CNTN5: variants seen among roughly 807,000 people sequenced by gnomAD.
CNTN5 encodes the protein contactin 5.
In CNTN5, 77 loss-of-function variants were observed where a neutral mutation model predicts 129.1. That is an observed-to-expected ratio of 0.60 (90% confidence interval 0.50 to 0.72). CNTN5 has a LOEUF of 0.72. Ranked by LOEUF, CNTN5 falls within the 30% of genes least tolerant of loss-of-function variation. CNTN5 has a pLI of 0.00. For synonymous variants in CNTN5, 509 were observed against 465.6 expected, an observed-to-expected ratio of 1.09 and a Z score of -1.20; for missense variants, 1,478 against 1,328.8, an observed-to-expected ratio of 1.11 and a Z score of -1.75.
intron 2 of CNTN5, among the ~76,000 whole-genome samples, chr11:99,553,993 C>A (rs201376966): frequency 4.9e-5 from 4 of 81,544 alleles, no homozygotes; most frequent in African/African-American, 1.7e-4. Context: ...CACACACACA[C>A]ACATACACAC....
chr11:99,547,930 A>C lies in CNTN5; in HGVS notation c.-70-8215A>C, dbSNP rs146891356. 2.0e-4 allele frequency among the ~76,000 whole-genome samples: 31 copies of C among 152,270 alleles called. No homozygotes were observed. The East Asian group carries it at 6.0e-3, about 29-fold the overall frequency. On this transcript the variant is annotated intron_variant, in intron 2 of 24. Coordinates refer to ENST00000524871, the MANE Select transcript of CNTN5 (RefSeq NM_014361.4). ...TGTGCAACTTTAGAAAATTTGCTTA[A>C]CCTTTCTGTGCCCCAGCTTCGTTAT...
At chr11:99,974,673 GAC>G (rs1937819549) in intron 8 of CNTN5, among the ~76,000 whole-genome samples, 1 of 152,198 alleles carries the variant, frequency 6.6e-6, no homozygotes, top group Non-Finnish European at 1.5e-5. Context: ...CTGTCGGAAT[GAC>G]AGAATTCATC....
intron 2 of CNTN5, among the ~76,000 whole-genome samples, chr11:99,378,617 C>CAAG (rs1161970996): frequency 6.6e-6 from 1 of 152,034 alleles, no homozygotes; most frequent in Non-Finnish European, 1.5e-5. Context: ...CTTTACCACC[C>CAAG]TATCCAAGAG....
At chr11:100,095,871 C>A (rs1944992978) in intron 13 of CNTN5, among the ~76,000 whole-genome samples, 1 of 152,016 alleles carries the variant, frequency 6.6e-6, no homozygotes, top group Admixed American at 6.6e-5. Context: ...TTATTTTTAG[C>A]AAAGGGCTTT....
intron 3 of CNTN5, among the ~76,000 whole-genome samples, chr11:99,707,173 CT>C (rs1289310626): frequency 1.3e-5 from 2 of 150,606 alleles, no homozygotes; most frequent in East Asian, 2.0e-4. Context: ...AGTTTATGGT[CT>C]TTTTTTTTCT....
At chr11:100,118,376 T>A (rs1221063846) in intron 13 of CNTN5, among the ~76,000 whole-genome samples, 1 of 151,864 alleles carries the variant, frequency 6.6e-6, no homozygotes, top group Non-Finnish European at 1.5e-5. Context: ...TGAAAGGCAG[T>A]ACTGCTCGTT....
At chr11:100,155,184 A>G (rs1296563171) in intron 13 of CNTN5, among the ~76,000 whole-genome samples, 3 of 152,070 alleles carry the variant, frequency 2.0e-5, no homozygotes. Flanking sequence ...ATCTATCTTG[A>G]GTTAATTTTT....
Position 99,621,031 on chromosome 11 carries a change from A to G in CNTN5, c.55+64762A>G, listed in dbSNP as rs143374801. 2.3e-3 allele frequency among the ~76,000 whole-genome samples: 349 copies of G among 152,298 alleles called. 1 individual carries two copies. Among genetic ancestry groups the G allele is most frequent in the Middle Eastern group, 6.8e-3 (2 of 294 alleles). ...ACTATGTTAGGCAAAAGGAATACAA[A>G]TAACACACATAAAGTCTACCTGCAT... On this transcript the variant is annotated intron_variant, in intron 3 of 24. Transcript: ENST00000524871.
intron 9 of CNTN5, among the ~76,000 whole-genome samples, chr11:100,058,294 T>G (rs1224039735): frequency 6.6e-6 from 1 of 152,066 alleles, no homozygotes; most frequent in Non-Finnish European, 1.5e-5. Flanking sequence ...TATCAGTATA[T>G]GAAGGCAAAT....
intron 6 of CNTN5, among the ~76,000 whole-genome samples, chr11:99,894,903 C>G (rs962110741): frequency 6.6e-6 from 1 of 152,170 alleles, no homozygotes; most frequent in African/African-American, 2.4e-5. Context: ...ATTGTCCTTC[C>G]TCATGGCATA....
chr11:99,973,640 G>GT (rs1565741619), intron 8 of CNTN5, among the ~76,000 whole-genome samples: 1 of 151,678 alleles, frequency 6.6e-6, no homozygotes, highest in African/African-American at 2.4e-5. Context: ...TAATTCTCAC[G>GT]TTTTGTCTCA....
At chr11:100,059,000 G>C (rs773289561) in intron 9 of CNTN5, among the ~76,000 whole-genome samples, 2 of 152,124 alleles carry the variant, frequency 1.3e-5, no homozygotes, top group Non-Finnish European at 2.9e-5. Flanking sequence ...GAAAGAAGTA[G>C]TGAGAAATCA....
intron 2 of CNTN5, among the ~76,000 whole-genome samples, chr11:99,474,620 A>G (rs1945299894): frequency 1.3e-5 from 2 of 152,164 alleles, no homozygotes; most frequent in African/African-American, 4.8e-5. Flanking sequence ...TTTTTACCCA[A>G]AAGGTGTCTC....
At chr11:100,001,057 T>C (rs1939837954) in intron 8 of CNTN5, among the ~76,000 whole-genome samples, 1 of 152,230 alleles carries the variant, frequency 6.6e-6, no homozygotes, top group African/African-American at 2.4e-5. Flanking sequence ...TGAAATTCCA[T>C]GGAGACATTT....
intron 1 of CNTN5, among the ~76,000 whole-genome samples, chr11:99,172,621 T>G (rs1001923739): frequency 6.6e-6 from 1 of 152,190 alleles, no homozygotes; most frequent in African/African-American, 2.4e-5. Flanking sequence ...ATAGGTAAGT[T>G]TTGTGAAGTA....
intron 2 of CNTN5, among the ~76,000 whole-genome samples, chr11:99,342,631 C>A (rs1274762127): frequency 7.0e-6 from 1 of 142,446 alleles, no homozygotes; most frequent in Admixed American, 7.1e-5. Flanking sequence ...TGCCTGTGAT[C>A]CCAGCTAAGC....
intron 4 of CNTN5, among the ~76,000 whole-genome samples, chr11:99,827,768 T>A (rs1024617880): frequency 6.6e-6 from 1 of 151,892 alleles, no homozygotes; most frequent in Admixed American, 6.6e-5. Context: ...ACAATTACTT[T>A]ACCTCTCTAT....
chr11:100,019,063 G>T (rs1940983344), intron 9 of CNTN5, among the ~76,000 whole-genome samples: 1 of 151,802 alleles, frequency 6.6e-6, no homozygotes, highest in Admixed American at 6.6e-5. Context: ...TATCATATAT[G>T]TGATTCGCAA....
intron 3 of CNTN5, among the ~76,000 whole-genome samples, chr11:99,736,127 G>A (rs993368678): frequency 5.3e-5 from 8 of 151,626 alleles, no homozygotes; most frequent in South Asian, 2.1e-4. Context: ...TCTTTTGAGC[G>A]TGGGACAAAA....
Sources: gnomAD v4.1 joint callset for allele counts (sites outside exome capture counted in the v4.1 genomes callset) on GRCh38, gnomAD v4.1.1 for gene constraint, MANE v1.5 for transcripts, NCBI Gene and HGNC (gene_info 2026-07-23, HGNC 2026-07-21) for gene names.